The following PTPRA variants were observed in gnomAD, a reference collection of about 807,000 sequenced individuals.
The protein encoded by PTPRA is receptor-type tyrosine-protein phosphatase alpha.
PTPRA carries 25 observed loss-of-function variants against 104.8 expected under a neutral mutation model. The observed-to-expected ratio is 0.24, with a 90% CI of 0.17 to 0.33. The LOEUF is 0.33. PTPRA is among the 10% of genes least tolerant of loss of function. The probability of loss-of-function intolerance (pLI) is 1.00; values close to 1 mark genes in which losing one functional copy is unlikely to be tolerated. For missense variants in PTPRA, 765 were observed against 1,015.3 expected, an observed-to-expected ratio of 0.75 and a Z score of 3.35; for synonymous variants, 323 against 368.9, an observed-to-expected ratio of 0.88 and a Z score of 1.43.
At chr20:2,945,293 G>C (rs1304839733) in intron 2 of PTPRA, among the ~76,000 whole-genome samples, 1 of 152,128 alleles carries the variant, frequency 6.6e-6, no homozygotes, top group Non-Finnish European at 1.5e-5. Context: ...AGACACTGTA[G>C]TTTTAAAATT....
chr20:3,022,701 G>A lies in PTPRA; in HGVS notation c.1341G>A (p.Gly447=), dbSNP rs2064938939. The A allele has an allele frequency of 1.2e-6, 2 of 1,614,178 alleles. No homozygotes were observed. The highest frequency in any genetic ancestry group is 1.7e-6 in the Non-Finnish European group (2 of 1,180,032). Residue 447 remains glycine (G), a synonymous_variant, in exon 16 of 24, where the codon GGG becomes GGA. Transcript: ENST00000399903. The surrounding 1 kb of genome is among the most constrained non-coding windows in gnomAD (Gnocchi z 4.6). ...TCTCTGGCTACAGTGCAGGTGTAGG[G>A]CGTACAGGTACCTTTGTCGTCATTG... The part of the protein sequence containing the change: ...AIVVHCSAGV[G]RTGTFVVIDA...
intron 22 of PTPRA, among the ~76,000 whole-genome samples, chr20:3,036,568 TC>T (rs2065809946): frequency 1.3e-5 from 2 of 152,190 alleles, no homozygotes; most frequent in Non-Finnish European, 2.9e-5. Context: ...CTGCCAGAAC[TC>T]CCACTCCTCT....
At chr20:2,988,510 A>T in intron 9 of PTPRA, 36 bp downstream of exon 9, 2 of 1,602,700 alleles carry the variant, frequency 1.2e-6, no homozygotes, top group Non-Finnish European at 1.7e-6. Context: ...ATCAGCAGGG[A>T]AGAAGGCAGA....
chr20:3,022,353 G>A lies in PTPRA; in HGVS notation c.1328+133G>A. On this transcript the variant is annotated intron_variant, in intron 15 of 23. Transcript: ENST00000399903. This position sits in a 1 kb window ranked among gnomAD's most constrained non-coding sequence, Gnocchi z 4.6. ...GACCTACTGGGGCACCAGCGCAACAGCCAGAGACTCCAAGTTCTAGTGCAG... is the reference window on the plus strand; with the variant it reads ...GACCTACTGGGGCACCAGCGCAACAACCAGAGACTCCAAGTTCTAGTGCAG... 1 of 1,173,386 alleles carries A rather than the reference G, an allele frequency of 8.5e-7. No homozygotes were observed. Among genetic ancestry groups the A allele is most frequent in the Non-Finnish European group, 1.2e-6 (1 of 830,902 alleles). 72.7% of individuals were successfully genotyped at this position (1,173,386 alleles called of 1,614,324 possible). A position where few individuals can be genotyped will look rare whatever the true frequency, so the allele number is the denominator to read the frequency against.
At chr20:2,897,658 G>A (rs1232611476) in intron 1 of PTPRA, among the ~76,000 whole-genome samples, 1 of 151,960 alleles carries the variant, frequency 6.6e-6, no homozygotes, top group Non-Finnish European at 1.5e-5. Flanking sequence ...AAAGTGCTGG[G>A]ATCACAGGCT....
intron 13 of PTPRA, among the ~76,000 whole-genome samples, chr20:3,019,234 G>A (rs1238450131): frequency 1.1e-4 from 16 of 150,028 alleles, no homozygotes; most frequent in African/African-American, 3.7e-4. Flanking sequence ...CGGACGGGGC[G>A]GCTGGCCGGG....
intron 1 of PTPRA, among the ~76,000 whole-genome samples, chr20:2,904,199 C>T (rs934956836): frequency 1.3e-5 from 2 of 152,080 alleles, no homozygotes; most frequent in African/African-American, 4.8e-5. Flanking sequence ...AGTTATGAGC[C>T]ATGGCGCCCA....
At chr20:2,938,862 A>G (rs1486629356) in intron 2 of PTPRA, among the ~76,000 whole-genome samples, 1 of 152,178 alleles carries the variant, frequency 6.6e-6, no homozygotes, top group Non-Finnish European at 1.5e-5. Context: ...AAATAATTCC[A>G]AAATCTATAT....
intron 12 of PTPRA, 36 bp from the exon 13 acceptor site, chr20:3,017,780 G>A: frequency 1.3e-6 from 2 of 1,564,450 alleles, no homozygotes; most frequent in Non-Finnish European, 1.8e-6. Flanking sequence ...TCTTCTTGGT[G>A]TATATTCTCT....
chr20:2,971,697 T>C (rs933868282), intron 5 of PTPRA, among the ~76,000 whole-genome samples: 1 of 152,192 alleles, frequency 6.6e-6, no homozygotes, highest in Non-Finnish European at 1.5e-5. Flanking sequence ...ACATATTTTA[T>C]TGTGTTCAGG....
intron 11 of PTPRA, among the ~76,000 whole-genome samples, chr20:3,015,576 G>A (rs1410332063): frequency 6.6e-6 from 1 of 152,044 alleles, no homozygotes; most frequent in Non-Finnish European, 1.5e-5. Context: ...AAAGTTCTGG[G>A]ATTACAGGTG....
chr20:2,984,708 C>T (rs1166793744), intron 6 of PTPRA, among the ~76,000 whole-genome samples: 1 of 152,196 alleles, frequency 6.6e-6, no homozygotes, highest in Non-Finnish European at 1.5e-5. Flanking sequence ...AGTCTGCTGG[C>T]TTTTGCCCAC....
chr20:2,901,548 C>T (rs1009906876), intron 1 of PTPRA, among the ~76,000 whole-genome samples: 1 of 152,146 alleles, frequency 6.6e-6, no homozygotes, highest in African/African-American at 2.4e-5. Context: ...GTTGTTAAAA[C>T]TCATTTGTAC....
intron 1 of PTPRA, among the ~76,000 whole-genome samples, chr20:2,911,187 G>C (rs1049801930): frequency 2.6e-5 from 4 of 152,066 alleles, no homozygotes; most frequent in Non-Finnish European, 5.9e-5. Flanking sequence ...AAATAGTTCT[G>C]CTTTTGGTAG....
intron 1 of PTPRA, among the ~76,000 whole-genome samples, chr20:2,895,819 G>A (rs373199692): frequency 5.3e-5 from 8 of 152,188 alleles, no homozygotes; most frequent in Middle Eastern, 3.4e-3. Flanking sequence ...GTGAGCTACC[G>A]CACCCGGCTT....
rs181747174 is a variant in PTPRA, at chr20:3,034,990, C to T, written c.1921-595C>T. On this transcript the variant is annotated intron_variant, in intron 20 of 23. Coordinates refer to ENST00000399903, the MANE Select transcript of PTPRA (RefSeq NM_001385305.1). The stretch of plus-strand genomic sequence containing the variant: ...TGGGGAATACAGAGATGAAAAGAGA[C>T]GCAGCCACTCCCACAAGGAGCTGTA... 9.1e-4 allele frequency among the ~76,000 whole-genome samples: 139 copies of T among 152,144 alleles called. 1 individual carries two copies. The highest frequency in any genetic ancestry group is 2.6e-3 in the African/African-American group (108 of 41,500).
intron 2 of PTPRA, among the ~76,000 whole-genome samples, chr20:2,946,717 G>A (rs1178047): frequency 3.3e-5 from 5 of 151,494 alleles, no homozygotes; most frequent in South Asian, 2.1e-4. Context: ...GCGTGGTGGC[G>A]CATGCCTGTA....
chr20:2,985,727 A>G (rs556067548), intron 6 of PTPRA, among the ~76,000 whole-genome samples: 8 of 152,288 alleles, frequency 5.3e-5, no homozygotes, highest in Non-Finnish European at 1.2e-4. Flanking sequence ...AGAAGCAACC[A>G]GCAGTTTTGT....
chr20:2,910,610 A>ATTTTTTTTTTTTTTTTAAT (rs2059687221), intron 1 of PTPRA, among the ~76,000 whole-genome samples: 1 of 45,380 alleles, frequency 2.2e-5, no homozygotes, highest in East Asian at 6.8e-4. Flanking sequence ...GTTTTTTTTA[A>ATTTTTTTTTTTTTTTTAAT]TTTTTTTTTT....
Sources: gnomAD v4.1 joint callset for allele counts (sites outside exome capture counted in the v4.1 genomes callset) on GRCh38, gnomAD v4.1.1 for gene constraint, Gnocchi (gnomAD v3.1) non-coding constraint, MANE v1.5 for transcripts, NCBI Gene and HGNC (gene_info 2026-07-23, HGNC 2026-07-21) for gene names.